Variants in CILK1 observed in about 807,000 individuals in gnomAD.
CILK1 encodes ciliogenesis associated kinase 1, also known as serine/threonine-protein kinase ICK.
Under a neutral mutation model 79.2 loss-of-function variants are expected in CILK1, and 47 were observed. The observed-to-expected ratio is 0.59, with a 90% confidence interval of 0.47 to 0.76. CILK1 has a LOEUF of 0.76. Ranked by LOEUF, CILK1 falls within the 30% of genes least tolerant of loss-of-function variation. CILK1 has a pLI of 0.00. For synonymous variants in CILK1, 266 were observed against 275.9 expected, an observed-to-expected ratio of 0.96 and a Z score of 0.36; for missense variants, 660 against 769.5, an observed-to-expected ratio of 0.86 and a Z score of 1.68.
At chr6:53,043,614 A>G (rs1766857444) in intron 1 of CILK1, among the ~76,000 whole-genome samples, 1 of 152,094 alleles carries the variant, frequency 6.6e-6, no homozygotes, top group African/African-American at 2.4e-5. Context: ...CTTTAGGGTG[A>G]TGTATTCCAT....
At chr6:53,032,748 A>G in intron 3 of CILK1, 94 bp from the exon 4 acceptor site, 2 of 1,038,468 alleles carry the variant, frequency 1.9e-6, no homozygotes, top group Non-Finnish European at 1.4e-6. Context: ...TTGGAAAGAA[A>G]CAACTAATTT....
At chr6:53,027,893 A>C (rs1765677714) in intron 5 of CILK1, among the ~76,000 whole-genome samples, 1 of 152,088 alleles carries the variant, frequency 6.6e-6, no homozygotes, top group African/African-American at 2.4e-5. Context: ...CATGCCTGTA[A>C]TCCCAGCACT....
At position 53,011,776 on chromosome 6, in the gene CILK1, G is replaced by A. The variant is rs1408218619; in HGVS notation, c.1485C>T (p.Tyr495=). ...CCAAGTCATTTATATTACCAGGCAA[G>A]TATCGAGAGTGCTTCAAATAGTGCT... The part of the protein sequence containing the change: ...AKQHYLKHSR[Y]LPGISIRNGI... Residue 495 remains tyrosine, a synonymous_variant, in exon 11 of 14, where the codon TAC becomes TAT. Coordinates refer to ENST00000676107, the MANE Select transcript of CILK1 (RefSeq NM_014920.5). 10 of 1,613,912 alleles carry A rather than the reference G, an allele frequency of 6.2e-6. No homozygotes were observed. The highest frequency in any genetic ancestry group is 8.5e-6 in the Non-Finnish European group (10 of 1,179,800).
At position 53,041,186 on chromosome 6, in the gene CILK1, G is replaced by A. The variant is rs373305658; in HGVS notation, c.51C>T (p.Ser17=). ...ACTCAATGCTTCTTCCCAGCAGGAC[G>A]GAACCGTAGGTTCCATCCCCGAGCT... ...IRQLGDGTYG[S]VLLGRSIESG... The change falls in exon 2 of 14, where the codon TCC becomes TCT. Residue 17 remains serine, a synonymous_variant. Coordinates refer to ENST00000676107, the MANE Select transcript of CILK1 (RefSeq NM_014920.5). 221 of 1,613,846 alleles carry A rather than the reference G, an allele frequency of 1.4e-4. 1 individual carries two copies. Among genetic ancestry groups the A allele is most frequent in the Middle Eastern group, 9.9e-4 (6 of 6,084 alleles).
chr6:53,018,855 C>T (rs908863081), intron 6 of CILK1, among the ~76,000 whole-genome samples: 1 of 152,102 alleles, frequency 6.6e-6, no homozygotes, highest in Non-Finnish European at 1.5e-5. Flanking sequence ...TGTGTGTAGA[C>T]TACTTGGTCA....
intron 1 of CILK1, among the ~76,000 whole-genome samples, chr6:53,059,113 G>A (rs1267316237): frequency 6.6e-6 from 1 of 152,146 alleles, no homozygotes; most frequent in African/African-American, 2.4e-5. Flanking sequence ...GAGTGTTCAG[G>A]AATTGGACTC....
chr6:53,042,228 A>G (rs1766767855), intron 1 of CILK1, among the ~76,000 whole-genome samples: 1 of 152,204 alleles, frequency 6.6e-6, no homozygotes. Flanking sequence ...TTATACAACT[A>G]GAGATATTAT....
At chr6:53,047,739 A>C (rs750621489) in intron 1 of CILK1, among the ~76,000 whole-genome samples, 6 of 152,126 alleles carry the variant, frequency 3.9e-5, no homozygotes, top group Non-Finnish European at 8.8e-5. Context: ...GAGACTAATT[A>C]GGAGGTTACT....
At chr6:53,045,465 G>GT (rs1767000943) in intron 1 of CILK1, among the ~76,000 whole-genome samples, 1 of 152,062 alleles carries the variant, frequency 6.6e-6, no homozygotes, top group South Asian at 2.1e-4. Flanking sequence ...ATACTATTCT[G>GT]TTTTTCACTT....
intron 12 of CILK1, among the ~76,000 whole-genome samples, chr6:53,008,481 AGTGGCGCAATCTTGGCTCACT>A (rs1306503899): frequency 6.6e-6 from 1 of 150,968 alleles, no homozygotes; most frequent in Non-Finnish European, 1.5e-5. Flanking sequence ...GTTGGAGTGC[AGTGGCGCAATCTTGGCTCACT>A]GCAACCTCCG....
chr6:53,046,329 T>A (rs991184493), intron 1 of CILK1, among the ~76,000 whole-genome samples: 1 of 152,230 alleles, frequency 6.6e-6, no homozygotes, highest in African/African-American at 2.4e-5. Flanking sequence ...CTGATTTATA[T>A]CAGTTATTAA....
At chr6:53,058,385 C>A (rs1050611147) in intron 1 of CILK1, among the ~76,000 whole-genome samples, 1 of 152,132 alleles carries the variant, frequency 6.6e-6, no homozygotes, top group Non-Finnish European at 1.5e-5. Flanking sequence ...ATGCAATTTG[C>A]CCCAGAAAAT....
At chr6:53,012,670 C>T (rs971260217) in intron 9 of CILK1, among the ~76,000 whole-genome samples, 2 of 152,094 alleles carry the variant, frequency 1.3e-5, no homozygotes, top group Non-Finnish European at 2.9e-5. Context: ...TATCTCTTAG[C>T]TATAAAGAAT....
intron 7 of CILK1, among the ~76,000 whole-genome samples, 176 bp from the exon 8 acceptor site, chr6:53,016,426 T>C (rs1022805558): frequency 6.6e-6 from 1 of 152,150 alleles, no homozygotes; most frequent in African/African-American, 2.4e-5. Context: ...TTTAGATTAA[T>C]AGAGAGACCA....
At chr6:53,019,201 AT>A in intron 6 of CILK1, 25 bp downstream of exon 6, 1 of 1,598,044 alleles carries the variant, frequency 6.3e-7, no homozygotes, top group Middle Eastern at 1.7e-4. Flanking sequence ...GTGCAATTAA[AT>A]AATTTTGAGA....
chr6:53,036,078 C>A (rs1265622051), intron 3 of CILK1, among the ~76,000 whole-genome samples: 1 of 152,186 alleles, frequency 6.6e-6, no homozygotes, highest in African/African-American at 2.4e-5. Context: ...AACTATCTTG[C>A]CGAGGCAGTC....
rs944834566 is a variant in CILK1, at chr6:53,004,113, A to G, written c.*1036T>C. 6 of 152,720 alleles carry G rather than the reference A, an allele frequency of 3.9e-5. No homozygotes were observed. Among genetic ancestry groups the G allele is most frequent in the Admixed American group, 6.5e-5 (1 of 15,288 alleles). The allele number at this position is 152,720 out of a possible 1,614,324, so 9.5% of individuals were successfully genotyped here. A position where few individuals can be genotyped will look rare whatever the true frequency, so the allele number is the denominator to read the frequency against. ...TTTGTAGATGAGTGGAACCTCTGCC[A>G]TAACTCTTTCTGCTCCCCAAATTGT... On this transcript the variant is annotated 3_prime_UTR_variant, in exon 14 of 14. Transcript: ENST00000676107.
In CILK1 at chr6:53,003,037, A is replaced by T. The variant is rs1764016098; in HGVS notation, c.*2112T>A. On this transcript the variant is annotated 3_prime_UTR_variant, in exon 14 of 14. Coordinates refer to ENST00000676107, the MANE Select transcript of CILK1 (RefSeq NM_014920.5). ...ATACAGAAAATGAAAATAAATATTA[A>T]CCTTATAGTAAAGGACTCATCTCTG... 1 of 152,674 alleles carries T rather than the reference A, an allele frequency of 6.5e-6. No individual in the cohort carries two copies. Among genetic ancestry groups the T allele is most frequent in the African/African-American group, 2.4e-5 (1 of 41,466 alleles). The allele number at this position is 152,674 out of a possible 1,614,324, so 9.5% of individuals were successfully genotyped here.
At position 53,004,076 on chromosome 6, in the gene CILK1, T is replaced by A. The variant is rs765059825; in HGVS notation, c.*1073A>T. ...CAGGGTTAGGAGATCAAATGTGGCA[T>A]GTGACTGTGACTTTGTAGATGAGTG... is the stretch of plus-strand genomic sequence containing the variant. On this transcript the variant is annotated 3_prime_UTR_variant, in exon 14 of 14. Coordinates refer to ENST00000676107, the MANE Select transcript of CILK1 (RefSeq NM_014920.5). 1 of 152,676 alleles carries A rather than the reference T, an allele frequency of 6.5e-6. No homozygotes were observed. The highest frequency in any genetic ancestry group is 2.4e-5 in the African/African-American group (1 of 41,472). The allele number at this position is 152,676 out of a possible 1,614,324, so 9.5% of individuals were successfully genotyped here. A position where few individuals can be genotyped will look rare whatever the true frequency, so the allele number is the denominator to read the frequency against.
Sources: allele counts gnomAD v4.1 joint callset (sites outside exome capture counted in the v4.1 genomes callset), GRCh38; gene constraint gnomAD v4.1.1; transcripts MANE v1.5; gene names NCBI Gene and HGNC (gene_info 2026-07-23, HGNC 2026-07-21).